Variants in DDAH1 observed in about 807,000 individuals in gnomAD.
The protein encoded by DDAH1 is dimethylarginine dimethylaminohydrolase 1, also known as N(G),N(G)-dimethylarginine dimethylaminohydrolase 1.
A neutral mutation model predicts 28.8 loss-of-function variants in DDAH1; 19 were observed. The ratio of observed to expected loss-of-function variants is 0.66; its 90% CI spans 0.46 to 0.97. The LOEUF is 0.97. Ranked by LOEUF, DDAH1 falls within the 50% of genes least tolerant of loss-of-function variation. The pLI, the probability that DDAH1 is intolerant of heterozygous loss-of-function variation, is 0.00. For synonymous variants in DDAH1, 153 were observed against 154.4 expected (o/e 0.99, Z 0.07); for missense variants, 326 against 375.9 (o/e 0.87, Z 1.10).
intron 1 of DDAH1, among the ~76,000 whole-genome samples, chr1:85,512,600 C>T (rs1285208149): frequency 1.3e-5 from 2 of 152,094 alleles, no homozygotes; most frequent in East Asian, 3.8e-4. Flanking sequence ...TTTAGAAAAC[C>T]CCATCGTCTC....
In DDAH1 at chr1:85,321,533, G is replaced by A. The variant is rs187899804; in HGVS notation, c.777C>T (p.Pro259=). The A allele has an allele frequency of 2.7e-4, 436 of 1,614,076 alleles. No homozygotes were observed. Among genetic ancestry groups the A allele is most frequent in the East Asian group, 4.0e-4 (18 of 44,876 alleles). The change falls in exon 6 of 6, where the codon CCC becomes CCT. Residue 259 remains proline (P), a synonymous_variant. Transcript: ENST00000284031. ...YEKLKDHMLI[P]VSMSELEKVD... ...CCTTTTCCAGTTCAGACATGCTCAC[G>A]GGGATCAGCATATGGTCCTTCAGTT...
intron 1 of DDAH1, among the ~76,000 whole-genome samples, chr1:85,500,390 T>G (rs1656782013): frequency 6.6e-6 from 1 of 151,968 alleles, no homozygotes; most frequent in Admixed American, 6.6e-5. Context: ...ACCTTAAAGG[T>G]GTTATTCAAT....
intron 1 of DDAH1, among the ~76,000 whole-genome samples, chr1:85,429,474 A>G (rs1192964817): frequency 1.3e-5 from 2 of 151,970 alleles, no homozygotes; most frequent in African/African-American, 2.4e-5. Flanking sequence ...TGCAATAAAC[A>G]TATGTGTGCA....
At chr1:85,426,949 A>G (rs1653431330) in intron 1 of DDAH1, among the ~76,000 whole-genome samples, 1 of 151,636 alleles carries the variant, frequency 6.6e-6, no homozygotes, top group South Asian at 2.1e-4. Context: ...AGGAAAAAGA[A>G]AAATAAATTA....
chr1:85,519,906 C>T (rs1283382787), intron 1 of DDAH1, among the ~76,000 whole-genome samples: 6 of 152,034 alleles, frequency 3.9e-5, no homozygotes, highest in Admixed American at 6.6e-5. Flanking sequence ...AGGAGGTAAA[C>T]GGCATGGGGG....
intron 1 of DDAH1, among the ~76,000 whole-genome samples, chr1:85,515,600 T>C (rs1657441107): frequency 6.6e-6 from 1 of 150,964 alleles, no homozygotes; most frequent in Non-Finnish European, 1.5e-5. Context: ...AAAGTACCAG[T>C]CAAGACTCAT....
chr1:85,382,428 A>T (rs1651041138), intron 1 of DDAH1, among the ~76,000 whole-genome samples: 1 of 152,206 alleles, frequency 6.6e-6, no homozygotes, highest in Admixed American at 6.5e-5. Context: ...TAAAGGTAGC[A>T]GAGGCTGGCT....
chr1:85,318,637 T>C lies in DDAH1; in HGVS notation c.*2815A>G, dbSNP rs960196417. ...GCACACAGAGTGGATAACCATACATTGGCTGGAATGAGGTGGTCAGGAAAA... is the reference window on the plus strand; with the variant it reads ...GCACACAGAGTGGATAACCATACATCGGCTGGAATGAGGTGGTCAGGAAAA... On this transcript the variant is annotated 3_prime_UTR_variant, in exon 6 of 6. Coordinates refer to ENST00000284031, the MANE Select transcript of DDAH1 (RefSeq NM_012137.4). The C allele has an allele frequency of 2.6e-5, 4 of 152,648 alleles. No individual in the cohort carries two copies. The highest frequency in any genetic ancestry group is 5.9e-5 in the Non-Finnish European group (4 of 68,040). The allele number at this position is 152,648 out of a possible 1,614,324, so 9.5% of individuals were successfully genotyped here.
At chr1:85,363,932 G>C (rs1649922409) in intron 1 of DDAH1, among the ~76,000 whole-genome samples, 1 of 138,226 alleles carries the variant, frequency 7.2e-6, no homozygotes, top group Non-Finnish European at 1.5e-5. Flanking sequence ...TTTCAAATCA[G>C]GCTACAATTC....
Position 85,491,043 on chromosome 1 carries a change from A to ACTCTTTTTTTTTTTTTTTTTTTTTTTTTT in DDAH1, c.-7+5122_-7+5123insAAAAAAAAAAAAAAAAAAAAAAAAAAGAG, listed in dbSNP as rs1557686884. Among the ~76,000 whole-genome samples, 4 of 79,340 alleles carry ACTCTTTTTTTTTTTTTTTTTTTTTTTTTT rather than the reference A, an allele frequency of 5.0e-5. 2 individuals carry two copies. The highest frequency in any genetic ancestry group is 4.7e-5 in the Non-Finnish European group (2 of 42,166). 52.1% of individuals were successfully genotyped at this position (79,340 alleles called of 152,430 possible). A position where few individuals can be genotyped will look rare whatever the true frequency, so the allele number is the denominator to read the frequency against. On this transcript the variant is annotated intron_variant, in intron 2 of 6. Transcript: ENST00000426972. Reference sequence around the variant, plus strand: ...TCTTCTAATGACAACAGTAACATGTATTCTTTTTTTTTTTTTTTTTTTTGA... The same window carrying ACTCTTTTTTTTTTTTTTTTTTTTTTTTTT: ...TCTTCTAATGACAACAGTAACATGTACTCTTTTTTTTTTTTTTTTTTTTTTTTTTTTCTTTTTTTTTTTTTTTTTTTTGA...
intron 1 of DDAH1, among the ~76,000 whole-genome samples, chr1:85,365,764 T>C (rs1198858379): frequency 6.6e-6 from 1 of 152,170 alleles, no homozygotes; most frequent in East Asian, 1.9e-4. Flanking sequence ...ATGTCCTGTA[T>C]AAATCTCTCC....
chr1:85,498,084 CA>C (rs942109059), intron 1 of DDAH1, among the ~76,000 whole-genome samples: 1 of 152,168 alleles, frequency 6.6e-6, no homozygotes, highest in Non-Finnish European at 1.5e-5. Context: ...CTTTAAAATA[CA>C]GTCTTAAAGT....
At chr1:85,466,622 T>C (rs1655391123), upstream of DDAH1, among the ~76,000 whole-genome samples, 1 of 152,022 alleles carries the variant, frequency 6.6e-6, no homozygotes, top group African/African-American at 2.4e-5. Flanking sequence ...ATAACAAACC[T>C]TTAAGACCGA....
In DDAH1 at chr1:85,464,694, G is replaced by C. The variant is rs1410929289; in HGVS notation, c.303+49C>G. On this transcript the variant is annotated intron_variant, in intron 1 of 5. Transcript: ENST00000284031. This position sits in a 1 kb window ranked among gnomAD's most constrained non-coding sequence, Gnocchi z 4.4. ...CAGGCAACACGGCGGCCGGCGGCGG[G>C]GGAGGGCCTGGCGCGCGCCCCGGCC... 1 of 1,432,066 alleles carries C rather than the reference G, an allele frequency of 7.0e-7. No homozygotes were observed. The highest frequency in any genetic ancestry group is 9.1e-7 in the Non-Finnish European group (1 of 1,099,400). 88.7% of individuals were successfully genotyped at this position (1,432,066 alleles called of 1,614,324 possible).
At chr1:85,384,574 C>G (rs548646100) in intron 1 of DDAH1, among the ~76,000 whole-genome samples, 1 of 152,324 alleles carries the variant, frequency 6.6e-6, no homozygotes, top group East Asian at 1.9e-4. Flanking sequence ...ATAGTTGGTC[C>G]AGTTTTCTAA....
intron 1 of DDAH1, among the ~76,000 whole-genome samples, chr1:85,387,416 T>C (rs1344323046): frequency 6.6e-6 from 1 of 152,216 alleles, no homozygotes; most frequent in African/African-American, 2.4e-5. Flanking sequence ...TTCATCATCA[T>C]CACTATTAAA....
rs542527225 is a variant in DDAH1 at position 85,378,345 on chromosome 1, T to C, written c.304-19498A>G. Among the ~76,000 whole-genome samples the C allele has an allele frequency of 2.6e-5, 4 of 152,314 alleles. No homozygotes were observed. The South Asian group carries it at 8.3e-4, about 32-fold the overall frequency. On this transcript the variant is annotated intron_variant, in intron 1 of 5. Transcript: ENST00000284031. The stretch of plus-strand genomic sequence containing the variant: ...ATGGAAAGAGGATTGTGCTCTGCTG[T>C]AGAAGGCAGAAAAAGTAATAGTAAA...
chr1:85,335,956 T>C (rs1376045475), intron 4 of DDAH1, among the ~76,000 whole-genome samples: 3 of 145,792 alleles, frequency 2.1e-5, no homozygotes, highest in Non-Finnish European at 4.6e-5. Flanking sequence ...AGTGAGACCC[T>C]GTCTCTAAAA....
chr1:85,348,869 A>G (rs233080), intron 4 of DDAH1, among the ~76,000 whole-genome samples: 106,748 of 152,094 alleles, frequency 0.7, 37,532 homozygotes, highest in South Asian at 0.84. Flanking sequence ...TAGGGACCTG[A>G]TCTACCCAGA....
Sources: allele counts gnomAD v4.1 joint callset (sites outside exome capture counted in the v4.1 genomes callset), GRCh38; gene constraint gnomAD v4.1.1; non-coding constraint Gnocchi (gnomAD v3.1); transcripts MANE v1.5; gene names NCBI Gene and HGNC (gene_info 2026-07-23, HGNC 2026-07-21).